The following GALNTL6 variants were observed in gnomAD, a reference collection of about 807,000 sequenced individuals.
The protein encoded by GALNTL6 is polypeptide N-acetylgalactosaminyltransferase-like 6.
Under a neutral mutation model 73.7 loss-of-function variants are expected in GALNTL6, and 46 were observed. The ratio of observed to expected loss-of-function variants is 0.62; its 90% CI spans 0.49 to 0.80. GALNTL6 has a LOEUF of 0.80. Among genes scored for constraint, GALNTL6 ranks in the 30% least tolerant of loss-of-function variants. GALNTL6 has a pLI of 0.00. For synonymous variants in GALNTL6, 259 were observed against 263.7 expected, an observed-to-expected ratio of 0.98 and a Z score of 0.17; for missense variants, 604 against 755.0, an observed-to-expected ratio of 0.80 and a Z score of 2.34.
chr4:172,943,467 T>G (rs530512765), intron 9 of GALNTL6, among the ~76,000 whole-genome samples: 2 of 152,344 alleles, frequency 1.3e-5, no homozygotes, highest in East Asian at 3.9e-4. Flanking sequence ...AAAAATGTTT[T>G]TTATTGTTTT....
chr4:172,684,051 T>C (rs1359377930), intron 5 of GALNTL6, among the ~76,000 whole-genome samples: 1 of 152,212 alleles, frequency 6.6e-6, no homozygotes, highest in Non-Finnish European at 1.5e-5. Flanking sequence ...AAAGGATAGA[T>C]CGCTGTCCAT....
intron 2 of GALNTL6, among the ~76,000 whole-genome samples, chr4:172,091,981 T>C (rs1489011822): frequency 6.6e-6 from 1 of 152,170 alleles, no homozygotes; most frequent in Non-Finnish European, 1.5e-5. Context: ...TCTATGTTCT[T>C]AAAATTAAAG....
intron 5 of GALNTL6, among the ~76,000 whole-genome samples, chr4:172,398,550 G>A (rs1243510390): frequency 1.3e-5 from 2 of 152,072 alleles, no homozygotes; most frequent in Non-Finnish European, 2.9e-5. Context: ...TATTGCTTGA[G>A]TTATGTGTTG....
At chr4:172,785,003 C>G (rs1739576390) in intron 5 of GALNTL6, among the ~76,000 whole-genome samples, 2 of 152,080 alleles carry the variant, frequency 1.3e-5, no homozygotes, top group Non-Finnish European at 2.9e-5. Flanking sequence ...GACATCTCCA[C>G]AAGGACAGAT....
rs140485088 is a variant in GALNTL6 at position 172,248,355 on chromosome 4, T to C, written c.247+18591T>C. On this transcript the variant is annotated intron_variant, in intron 3 of 12. Transcript: ENST00000506823. ...CCCCTTAGCAGAGCTCTGTCTAGTA[T>C]GAAGCTAGCTTTTTTCTGTCTTAGA... Among the ~76,000 whole-genome samples the C allele has an allele frequency of 3.4e-3, 523 of 152,298 alleles. 2 individuals are homozygous for C. Among genetic ancestry groups the C allele is most frequent in the Non-Finnish European group, 5.5e-3 (376 of 68,026 alleles).
At chr4:171,989,912 A>G (rs140266346) in intron 2 of GALNTL6, among the ~76,000 whole-genome samples, 52 of 145,598 alleles carry the variant, frequency 3.6e-4, no homozygotes, top group South Asian at 1.1e-3. Flanking sequence ...TGGGATAAAG[A>G]AAAAGGAGCA....
intron 3 of GALNTL6, among the ~76,000 whole-genome samples, chr4:172,306,320 T>A (rs984566787): frequency 6.6e-6 from 1 of 151,768 alleles, no homozygotes; most frequent in African/African-American, 2.4e-5. Flanking sequence ...ACTTGGGAGG[T>A]GCAGCTTGCA....
intron 10 of GALNTL6, among the ~76,000 whole-genome samples, chr4:173,000,090 T>A (rs1172541803): frequency 6.6e-6 from 1 of 152,128 alleles, no homozygotes; most frequent in Non-Finnish European, 1.5e-5. Flanking sequence ...AACATTAACA[T>A]CTATTGAGCA....
intron 2 of GALNTL6, among the ~76,000 whole-genome samples, chr4:171,934,569 A>C (rs1435962555): frequency 1.3e-5 from 2 of 152,018 alleles, no homozygotes; most frequent in Admixed American, 1.3e-4. Context: ...GTGCACCAGC[A>C]TGCTTGGCTA....
intron 5 of GALNTL6, among the ~76,000 whole-genome samples, chr4:172,349,214 T>C (rs2111216951): frequency 6.6e-6 from 1 of 152,270 alleles, no homozygotes; most frequent in Non-Finnish European, 1.5e-5. Flanking sequence ...CAATCTAGTG[T>C]AATAGTATCT....
chr4:172,355,432 A>G (rs1281025313), intron 5 of GALNTL6, among the ~76,000 whole-genome samples: 1 of 152,114 alleles, frequency 6.6e-6, no homozygotes, highest in Non-Finnish European at 1.5e-5. Flanking sequence ...AAAATATGTG[A>G]TAAAATGAAG....
intron 3 of GALNTL6, among the ~76,000 whole-genome samples, chr4:172,269,745 ATTTTTTTATT>A (rs1288139874): frequency 3.3e-5 from 5 of 150,748 alleles, no homozygotes; most frequent in East Asian, 3.9e-4. Flanking sequence ...TCTCTCTTTA[ATTTTTTTATT>A]TTTTTTTATT....
In GALNTL6 at chr4:172,193,259, G is replaced by A. The variant is rs1735641150; in HGVS notation, c.139-36397G>A. 2.6e-5 allele frequency among the ~76,000 whole-genome samples: 4 copies of A among 152,208 alleles called. No homozygotes were observed. In the South Asian group the frequency reaches 8.3e-4, roughly 32 times the overall value. On this transcript the variant is annotated intron_variant, in intron 2 of 12. Transcript: ENST00000506823. ...CAGGGGTCACTAGGCACCCTATACAGGAGCATTCCTGCCAGCATCAGGTCG... is the reference window on the plus strand; with the variant it reads ...CAGGGGTCACTAGGCACCCTATACAAGAGCATTCCTGCCAGCATCAGGTCG...
At chr4:173,028,044 C>A (rs2126528699) in intron 12 of GALNTL6, among the ~76,000 whole-genome samples, 1 of 152,266 alleles carries the variant, frequency 6.6e-6, no homozygotes, top group Admixed American at 6.5e-5. Context: ...AGGGATCCAT[C>A]ATGTTCAAGG....
intron 2 of GALNTL6, among the ~76,000 whole-genome samples, chr4:171,984,467 A>C (rs1461792489): frequency 6.6e-6 from 1 of 152,040 alleles, no homozygotes; most frequent in Non-Finnish European, 1.5e-5. Flanking sequence ...TGTGGTCAGA[A>C]AGGGTTGTAG....
intron 8 of GALNTL6, among the ~76,000 whole-genome samples, chr4:172,904,839 TGAGAAG>T (rs374981167): frequency 3.9e-5 from 6 of 152,098 alleles, no homozygotes; most frequent in African/African-American, 1.4e-4. Flanking sequence ...GTTCCTGGAG[TGAGAAG>T]AGAGAATATG....
chr4:172,247,424 A>G (rs1737700145), intron 3 of GALNTL6, among the ~76,000 whole-genome samples: 1 of 152,190 alleles, frequency 6.6e-6, no homozygotes, highest in Non-Finnish European at 1.5e-5. Flanking sequence ...TAAGGCACTA[A>G]TACAACTGAT....
At chr4:172,979,256 CTT>C (rs1255908493) in intron 10 of GALNTL6, among the ~76,000 whole-genome samples, 8 of 152,160 alleles carry the variant, frequency 5.3e-5, no homozygotes, top group African/African-American at 1.7e-4. Context: ...ATAATGGAAA[CTT>C]AAAGTACCCC....
At chr4:172,956,930 C>T (rs928319265) in intron 10 of GALNTL6, among the ~76,000 whole-genome samples, 5 of 151,964 alleles carry the variant, frequency 3.3e-5, no homozygotes, top group Non-Finnish European at 7.4e-5. Context: ...TAGTAAAGGC[C>T]GATCTGTTAT....
Sources: gnomAD v4.1 joint callset for allele counts (sites outside exome capture counted in the v4.1 genomes callset) on GRCh38, gnomAD v4.1.1 for gene constraint, MANE v1.5 for transcripts, NCBI Gene and HGNC (gene_info 2026-07-23, HGNC 2026-07-21) for gene names.